ERBB4: variants seen among roughly 807,000 people sequenced by gnomAD.
The protein encoded by ERBB4 is erb-b2 receptor tyrosine kinase 4.
A neutral mutation model predicts 158.0 loss-of-function variants in ERBB4; 42 were observed. The observed-to-expected ratio is 0.27, with a 90% confidence interval of 0.21 to 0.34. The LOEUF (loss-of-function observed/expected upper bound fraction) is 0.34. ERBB4 is among the 10% of genes least tolerant of loss of function. The pLI is 1.00. For missense variants in ERBB4, 1,333 were observed against 1,624.1 expected (o/e 0.82, Z 3.08); for synonymous variants, 583 against 558.7 (o/e 1.04, Z -0.61).
intron 16 of ERBB4, among the ~76,000 whole-genome samples, chr2:211,646,155 AC>A (rs1448576333): frequency 6.6e-6 from 1 of 151,292 alleles, no homozygotes; most frequent in East Asian, 1.9e-4. Context: ...GTAAAGAAAA[AC>A]CCTTATTATC....
chr2:211,541,503 C>T (rs934248884), intron 20 of ERBB4, among the ~76,000 whole-genome samples: 32 of 152,066 alleles, frequency 2.1e-4, no homozygotes, highest in African/African-American at 7.7e-4. Flanking sequence ...CCTATCAGAT[C>T]ATGTAGCTGC....
rs1020567983 is a variant in ERBB4, at chr2:211,380,464, G to A, written c.*3151C>T. 2 of 232,094 alleles carry A rather than the reference G, an allele frequency of 8.6e-6. No individual in the cohort carries two copies. Among genetic ancestry groups the A allele is most frequent in the African/African-American group, 4.4e-5 (2 of 45,272 alleles). The allele number at this position is 232,094 out of a possible 1,614,324, so 14.4% of individuals were successfully genotyped here. A position where few individuals can be genotyped will look rare whatever the true frequency, so the allele number is the denominator to read the frequency against. On this transcript the variant is annotated 3_prime_UTR_variant, in exon 28 of 28. Coordinates refer to ENST00000342788, the MANE Select transcript of ERBB4 (RefSeq NM_005235.3). ...GTCTCAGATTTACATAATTGATTCTGCAAATTTCAATTGCTACAATTGGCC... is the reference window on the plus strand; with the variant it reads ...GTCTCAGATTTACATAATTGATTCTACAAATTTCAATTGCTACAATTGGCC...
chr2:212,063,635 A>G (rs575388634), intron 2 of ERBB4, among the ~76,000 whole-genome samples: 1 of 152,318 alleles, frequency 6.6e-6, no homozygotes, highest in East Asian at 1.9e-4. Context: ...GACAGAATTG[A>G]GAACATAATA....
chr2:212,503,263 T>C (rs987802720), intron 1 of ERBB4, among the ~76,000 whole-genome samples: 4 of 152,242 alleles, frequency 2.6e-5, no homozygotes, highest in Non-Finnish European at 4.4e-5. Flanking sequence ...CTACAAGTTA[T>C]ATCATTTTAG....
intron 2 of ERBB4, among the ~76,000 whole-genome samples, chr2:212,060,917 AC>A (rs1485634594): frequency 6.6e-6 from 1 of 151,320 alleles, no homozygotes; most frequent in African/African-American, 2.4e-5. Context: ...TATGTAACAA[AC>A]CTGTACATTG....
At chr2:211,845,540 C>A (rs922961650) in intron 3 of ERBB4, among the ~76,000 whole-genome samples, 1 of 152,188 alleles carries the variant, frequency 6.6e-6, no homozygotes. Context: ...AAATCTCTCA[C>A]TAGCTCACCA....
At chr2:211,703,656 T>G (rs1359319941) in intron 11 of ERBB4, among the ~76,000 whole-genome samples, 1 of 152,180 alleles carries the variant, frequency 6.6e-6, no homozygotes, top group East Asian at 1.9e-4. Context: ...GCACTACACG[T>G]ACAGTGGTGG....
At chr2:211,879,023 C>T (rs1049325696) in intron 3 of ERBB4, among the ~76,000 whole-genome samples, 2 of 151,992 alleles carry the variant, frequency 1.3e-5, no homozygotes, top group East Asian at 1.9e-4. Context: ...GAGAAAGGAG[C>T]TAATACATGA....
At chr2:212,225,350 C>T (rs1468122028) in intron 1 of ERBB4, among the ~76,000 whole-genome samples, 3 of 151,916 alleles carry the variant, frequency 2.0e-5, no homozygotes, top group African/African-American at 7.2e-5. Context: ...GTTTTATCAG[C>T]GTTGGGGAGA....
In ERBB4 at chr2:212,428,348, A is replaced by G. The variant is rs578111800; in HGVS notation, c.82+110101T>C. On this transcript the variant is annotated intron_variant, in intron 1 of 27. Transcript: ENST00000342788. The stretch of plus-strand genomic sequence containing the variant: ...TTATGTTTTTCTTTAATTCCAAGGA[A>G]ATAGCTAGGCCATTATATTTCCTTG... Among the ~76,000 whole-genome samples the G allele has an allele frequency of 3.3e-5, 5 of 152,302 alleles. No individual in the cohort carries two copies. In the East Asian group the frequency reaches 5.8e-4, roughly 18 times the overall value.
intron 1 of ERBB4, among the ~76,000 whole-genome samples, chr2:212,283,863 T>A (rs1373505687): frequency 6.6e-6 from 1 of 152,102 alleles, no homozygotes; most frequent in Non-Finnish European, 1.5e-5. Context: ...GTTCACATGC[T>A]AATTAAAATG....
intron 3 of ERBB4, among the ~76,000 whole-genome samples, chr2:211,854,643 C>T (rs13029024): frequency 0.21 from 32,403 of 151,932 alleles, 3,579 homozygotes; most frequent in South Asian, 0.32. Flanking sequence ...AGATTCAACC[C>T]GTGTTGTACA....
At chr2:212,027,462 T>A (rs946550465) in intron 2 of ERBB4, among the ~76,000 whole-genome samples, 2 of 152,066 alleles carry the variant, frequency 1.3e-5, no homozygotes, top group East Asian at 3.9e-4. Context: ...AAAAACCAGA[T>A]TAATATGTTA....
intron 22 of ERBB4, 142 bp downstream of exon 22, chr2:211,428,264 CAA>C (rs1349679565): frequency 1.7e-5 from 7 of 418,340 alleles, no homozygotes; most frequent in African/African-American, 1.3e-4. Context: ...ATTGAGAAAG[CAA>C]AGAGTTAACT....
chr2:212,384,204 G>C (rs1306840608), intron 1 of ERBB4, among the ~76,000 whole-genome samples: 1 of 151,572 alleles, frequency 6.6e-6, no homozygotes, highest in Non-Finnish European at 1.5e-5. Context: ...GACCCTATCT[G>C]TAGAAGTTTA....
chr2:211,723,295 T>C (rs528568111), intron 6 of ERBB4, among the ~76,000 whole-genome samples: 245 of 152,260 alleles, frequency 1.6e-3, no homozygotes, highest in African/African-American at 5.6e-3. Context: ...GGTAGGTACT[T>C]GATATAAAAA....
chr2:212,372,872 T>A (rs1264714077), intron 1 of ERBB4, among the ~76,000 whole-genome samples: 1 of 152,182 alleles, frequency 6.6e-6, no homozygotes, highest in African/African-American at 2.4e-5. Flanking sequence ...TTCATGCTCA[T>A]CCCATGCCTG....
chr2:211,866,000 A>C (rs1054017323), intron 3 of ERBB4, among the ~76,000 whole-genome samples: 3 of 152,222 alleles, frequency 2.0e-5, no homozygotes, highest in African/African-American at 7.2e-5. Context: ...AAAAACTATC[A>C]GGAGAATATA....
chr2:211,695,911 T>C (rs1315188781), intron 12 of ERBB4, among the ~76,000 whole-genome samples: 2 of 152,162 alleles, frequency 1.3e-5, no homozygotes, highest in African/African-American at 4.8e-5. Context: ...CAATATCTAA[T>C]ACATGTATAG....
Sources: gnomAD v4.1 joint callset for allele counts (sites outside exome capture counted in the v4.1 genomes callset) on GRCh38, gnomAD v4.1.1 for gene constraint, MANE v1.5 for transcripts, NCBI Gene and HGNC (gene_info 2026-07-23, HGNC 2026-07-21) for gene names.